The following DLGAP2 variants were observed in gnomAD, a reference collection of about 807,000 sequenced individuals.
DLGAP2 encodes DLG associated protein 2.
In DLGAP2, 26 loss-of-function variants were observed where a neutral mutation model predicts 100.3. The observed-to-expected ratio is 0.26, with a 90% confidence interval of 0.19 to 0.36. DLGAP2 has a LOEUF of 0.36. Ranked by LOEUF, DLGAP2 falls within the 10% of genes least tolerant of loss-of-function variation. DLGAP2 has a pLI of 1.00. For missense variants in DLGAP2, 1,858 were observed against 1,453.2 expected, an observed-to-expected ratio of 1.28 and a Z score of -4.53; for synonymous variants, 886 against 630.1, an observed-to-expected ratio of 1.41 and a Z score of -6.08.
At chr8:1,514,059 A>G (rs2130383669) in intron 4 of DLGAP2, among the ~76,000 whole-genome samples, 1 of 152,268 alleles carries the variant, frequency 6.6e-6, no homozygotes, top group East Asian at 1.9e-4. Context: ...TTTACTTCTG[A>G]GCGCCCACCA....
chr8:1,258,525 C>G (rs916521033), intron 2 of DLGAP2, among the ~76,000 whole-genome samples: 1 of 152,154 alleles, frequency 6.6e-6, no homozygotes, highest in Non-Finnish European at 1.5e-5. Flanking sequence ...ATGGTTGCAG[C>G]AAACCACCAT....
chr8:1,249,261 G>A (rs929504651), intron 2 of DLGAP2, among the ~76,000 whole-genome samples: 2 of 152,166 alleles, frequency 1.3e-5, no homozygotes, highest in Non-Finnish European at 2.9e-5. Flanking sequence ...GGCAGACTCA[G>A]AAATGGGCCA....
chr8:1,148,367 G>A (rs1796641171), intron 2 of DLGAP2, among the ~76,000 whole-genome samples: 1 of 151,888 alleles, frequency 6.6e-6, no homozygotes, highest in Non-Finnish European at 1.5e-5. Context: ...AGTTTTAATA[G>A]GAATTTATCA....
intron 2 of DLGAP2, among the ~76,000 whole-genome samples, chr8:1,173,118 A>C (rs948796888): frequency 5.9e-5 from 9 of 152,206 alleles, no homozygotes. Context: ...CCTCAGCTGC[A>C]GGTCTGTTGG....
chr8:1,453,935 G>C (rs1190061255), intron 3 of DLGAP2, among the ~76,000 whole-genome samples: 1 of 152,204 alleles, frequency 6.6e-6, no homozygotes, highest in Non-Finnish European at 1.5e-5. Flanking sequence ...TTGGAATGTG[G>C]ACATGTGCAC....
chr8:1,639,038 G>C (rs1797835838), intron 8 of DLGAP2, among the ~76,000 whole-genome samples: 1 of 152,214 alleles, frequency 6.6e-6, no homozygotes, highest in Admixed American at 6.5e-5. Flanking sequence ...TCCAGCTGCT[G>C]CCTCTCAGCA....
intron 3 of DLGAP2, among the ~76,000 whole-genome samples, chr8:1,345,400 C>T (rs1733292024): frequency 6.6e-6 from 1 of 152,186 alleles, no homozygotes; most frequent in African/African-American, 2.4e-5. Flanking sequence ...GTAGTTTCCC[C>T]CATTTTGCCC....
intron 3 of DLGAP2, among the ~76,000 whole-genome samples, chr8:1,296,527 GC>G (rs11331162): frequency 0.2 from 30,420 of 152,102 alleles, 3,209 homozygotes; most frequent in South Asian, 0.33. Context: ...CTTTGTCGCT[GC>G]CTATCTTGCA....
At chr8:1,289,882 T>G (rs1268092137) in intron 3 of DLGAP2, among the ~76,000 whole-genome samples, 1 of 152,220 alleles carries the variant, frequency 6.6e-6, no homozygotes, top group African/African-American at 2.4e-5. Flanking sequence ...ATATTTAAGA[T>G]GATTTGTAAG....
intron 4 of DLGAP2, among the ~76,000 whole-genome samples, chr8:1,509,930 A>C (rs1800100479): frequency 6.6e-6 from 1 of 152,156 alleles, no homozygotes; most frequent in African/African-American, 2.4e-5. Flanking sequence ...GCAGCTCTGG[A>C]GGACGCGGCC....
chr8:806,966 G>A (rs1210643214), intron 1 of DLGAP2, among the ~76,000 whole-genome samples: 2 of 152,138 alleles, frequency 1.3e-5, no homozygotes, highest in African/African-American at 2.4e-5. Context: ...GTTTTCCCCT[G>A]GAACTGGGCA....
At chr8:1,504,653 T>C (rs1465413405) in intron 4 of DLGAP2, among the ~76,000 whole-genome samples, 1 of 152,228 alleles carries the variant, frequency 6.6e-6, no homozygotes, top group Non-Finnish European at 1.5e-5. Flanking sequence ...CCTGTCTTTC[T>C]GTGCCTGGCT....
intron 3 of DLGAP2, among the ~76,000 whole-genome samples, chr8:1,349,530 G>C (rs71512896): frequency 8.4e-6 from 1 of 118,568 alleles, no homozygotes; most frequent in African/African-American, 3.4e-5. Context: ...GAGGGGGACT[G>C]TCGTGAGCCT....
chr8:1,354,662 G>C (rs1801808718), intron 3 of DLGAP2, among the ~76,000 whole-genome samples: 2 of 127,898 alleles, frequency 1.6e-5, no homozygotes, highest in African/African-American at 5.9e-5. Flanking sequence ...AAGGTGGAAA[G>C]TCACGGATGA....
rs1462438029 is a variant in DLGAP2, at chr8:971,650, T to C, written c.73+63684T>C. 3.9e-5 allele frequency among the ~76,000 whole-genome samples: 6 copies of C among 152,282 alleles called. No individual in the cohort carries two copies. In the East Asian group the frequency reaches 9.7e-4, roughly 24 times the overall value. On this transcript the variant is annotated intron_variant, in intron 2 of 14. Coordinates refer to ENST00000637795, the MANE Select transcript of DLGAP2 (RefSeq NM_001346810.2). ...CCACACCAGGTTGCTCAGGTGAAGA[T>C]CATAGAAAAATACCCGCATACTTCT...
chr8:1,571,434 G>A (rs1802674423), intron 6 of DLGAP2, among the ~76,000 whole-genome samples: 1 of 118,148 alleles, frequency 8.5e-6, no homozygotes, highest in Admixed American at 8.6e-5. Context: ...ATTGTGGGGT[G>A]TCTGATGAGA....
chr8:1,195,179 G>A (rs1228103224), intron 2 of DLGAP2, among the ~76,000 whole-genome samples: 1 of 152,234 alleles, frequency 6.6e-6, no homozygotes, highest in Non-Finnish European at 1.5e-5. Flanking sequence ...AGAGACGAGG[G>A]TGTCAGGAAG....
At chr8:1,603,001 G>A (rs1796676268) in intron 6 of DLGAP2, among the ~76,000 whole-genome samples, 1 of 152,218 alleles carries the variant, frequency 6.6e-6, no homozygotes, top group Non-Finnish European at 1.5e-5. Flanking sequence ...AGTGGAGGCT[G>A]GGTCTCAGTT....
Position 1,193,432 on chromosome 8 carries a change from A to C in DLGAP2, c.74-65419A>C, listed in dbSNP as rs368590343. On this transcript the variant is annotated intron_variant, in intron 2 of 14. Coordinates refer to ENST00000637795, the MANE Select transcript of DLGAP2 (RefSeq NM_001346810.2). ...ATTTGTCTGATGGCCAGTGATGATG[A>C]GCATTTTTTCATGTGTCTTTTGGCT... Among the ~76,000 whole-genome samples the C allele has an allele frequency of 2.5e-3, 386 of 152,276 alleles. 9 individuals are homozygous for C. In the South Asian group the frequency reaches 0.039, roughly 15 times the overall value.
Sources: gnomAD v4.1 joint callset for allele counts (sites outside exome capture counted in the v4.1 genomes callset) on GRCh38, gnomAD v4.1.1 for gene constraint, MANE v1.5 for transcripts, NCBI Gene and HGNC (gene_info 2026-07-23, HGNC 2026-07-21) for gene names.